CTNNA2: variants seen among roughly 807,000 people sequenced by gnomAD.
CTNNA2 encodes the protein catenin alpha-2.
CTNNA2 carries 42 observed loss-of-function variants against 101.0 expected under a neutral mutation model. That is an observed-to-expected ratio of 0.42 (90% CI 0.32 to 0.54). The LOEUF is 0.54. Among genes scored for constraint, CTNNA2 ranks in the 20% least tolerant of loss-of-function variants. The probability of loss-of-function intolerance (pLI) is 0.14; values close to 1 mark genes in which losing one functional copy is unlikely to be tolerated. For missense variants in CTNNA2, 871 were observed against 1,223.1 expected, an observed-to-expected ratio of 0.71 and a Z score of 4.29; for synonymous variants, 450 against 456.4, an observed-to-expected ratio of 0.99 and a Z score of 0.18.
At chr2:80,433,014 C>T (rs543169192) in intron 9 of CTNNA2, among the ~76,000 whole-genome samples, 1 of 151,984 alleles carries the variant, frequency 6.6e-6, no homozygotes, top group Non-Finnish European at 1.5e-5. Context: ...CAGTAGAGTA[C>T]TTTATGGATC....
At chr2:80,378,050 C>G (rs1187078053) in intron 7 of CTNNA2, among the ~76,000 whole-genome samples, 1 of 152,018 alleles carries the variant, frequency 6.6e-6, no homozygotes, top group Non-Finnish European at 1.5e-5. Context: ...GGGAGAGTAC[C>G]TGCTTACAAA....
intron 2 of CTNNA2, among the ~76,000 whole-genome samples, chr2:79,236,845 A>G (rs1674564280): frequency 6.6e-6 from 1 of 152,172 alleles, no homozygotes; most frequent in South Asian, 2.1e-4. Flanking sequence ...TTCAGGCTCC[A>G]TTTTTAATTA....
At chr2:79,811,394 A>C (rs1558949912) in intron 3 of CTNNA2, among the ~76,000 whole-genome samples, 4 of 151,994 alleles carry the variant, frequency 2.6e-5, no homozygotes, top group Admixed American at 2.0e-4. Context: ...TTTCTTGTAA[A>C]TTTGAGTTCA....
intron 2 of CTNNA2, among the ~76,000 whole-genome samples, chr2:79,228,875 T>G (rs1674454775): frequency 6.6e-6 from 1 of 152,156 alleles, no homozygotes; most frequent in African/African-American, 2.4e-5. Context: ...TAGGATTTTT[T>G]TATAGTTTAG....
At chr2:79,306,899 G>T (rs1315909143) in intron 2 of CTNNA2, among the ~76,000 whole-genome samples, 2 of 152,078 alleles carry the variant, frequency 1.3e-5, no homozygotes, top group East Asian at 3.9e-4. Flanking sequence ...ATGTGCATTA[G>T]CCATTCTGGT....
intron 3 of CTNNA2, among the ~76,000 whole-genome samples, chr2:79,761,369 G>A (rs891701970): frequency 4.5e-4 from 69 of 152,130 alleles, no homozygotes; most frequent in African/African-American, 1.5e-3. Context: ...AAGCCAATCT[G>A]GCCTTCTATT....
intron 7 of CTNNA2, among the ~76,000 whole-genome samples, chr2:80,141,832 T>C (rs1703028615): frequency 6.7e-6 from 1 of 150,320 alleles, no homozygotes; most frequent in Non-Finnish European, 1.5e-5. Flanking sequence ...GATGTTTGGT[T>C]CCCTACAGGA....
intron 3 of CTNNA2, among the ~76,000 whole-genome samples, chr2:79,854,570 T>G (rs886616387): frequency 6.6e-6 from 1 of 152,224 alleles, no homozygotes; most frequent in African/African-American, 2.4e-5. Flanking sequence ...AGTTAATACA[T>G]GTAAAGCTTT....
At chr2:79,827,859 C>A (rs191215378) in intron 3 of CTNNA2, among the ~76,000 whole-genome samples, 2 of 152,274 alleles carry the variant, frequency 1.3e-5, no homozygotes, top group African/African-American at 4.8e-5. Flanking sequence ...TAAATACCAA[C>A]AAAGTTTCCA....
chr2:79,513,592 C>T (rs949303185), intron 1 of CTNNA2, among the ~76,000 whole-genome samples: 28 of 152,190 alleles, frequency 1.8e-4, no homozygotes, highest in Middle Eastern at 3.4e-3. Flanking sequence ...AAATTGGGTG[C>T]ATATACTGAG....
intron 3 of CTNNA2, among the ~76,000 whole-genome samples, chr2:79,367,051 T>G (rs1353127611): frequency 6.6e-6 from 1 of 152,080 alleles, no homozygotes; most frequent in Non-Finnish European, 1.5e-5. Flanking sequence ...GAGAGTTAAT[T>G]AGGGTTACAT....
chr2:80,631,459 T>G (rs1188114749), intron 18 of CTNNA2, among the ~76,000 whole-genome samples: 1 of 151,714 alleles, frequency 6.6e-6, no homozygotes, highest in Non-Finnish European at 1.5e-5. Context: ...CTTGTATAAC[T>G]CAGCCTCGTT....
At chr2:80,314,691 A>G (rs1265400635) in intron 7 of CTNNA2, among the ~76,000 whole-genome samples, 3 of 152,228 alleles carry the variant, frequency 2.0e-5, no homozygotes, top group Non-Finnish European at 4.4e-5. Flanking sequence ...TGTCTGCCTC[A>G]TGGTTCTATG....
At chr2:80,550,394 T>C (rs909416543) in intron 11 of CTNNA2, among the ~76,000 whole-genome samples, 2 of 152,160 alleles carry the variant, frequency 1.3e-5, no homozygotes, top group Non-Finnish European at 2.9e-5. Context: ...TGTGGCAATT[T>C]CTTGAAGTAA....
At chr2:79,300,745 C>G (rs1676089085) in intron 2 of CTNNA2, among the ~76,000 whole-genome samples, 1 of 152,198 alleles carries the variant, frequency 6.6e-6, no homozygotes, top group East Asian at 1.9e-4. Flanking sequence ...CTGTGATACT[C>G]TTCTATTTGG....
chr2:79,676,165 G>C (rs1683171285), intron 2 of CTNNA2, among the ~76,000 whole-genome samples: 1 of 152,228 alleles, frequency 6.6e-6, no homozygotes, highest in South Asian at 2.1e-4. Context: ...GGAAGGCTGG[G>C]AATGATAGAG....
chr2:80,336,768 A>G (rs560430584), intron 7 of CTNNA2, among the ~76,000 whole-genome samples: 35 of 152,328 alleles, frequency 2.3e-4, no homozygotes, highest in African/African-American at 7.2e-4. Context: ...ACATTAGACT[A>G]TAGTTTTAAA....
intron 11 of CTNNA2, among the ~76,000 whole-genome samples, chr2:80,549,939 C>T (rs1039032564): frequency 6.6e-6 from 1 of 151,908 alleles, no homozygotes; most frequent in African/African-American, 2.4e-5. Context: ...CCTGAAGGCA[C>T]AGGGTATGGG....
At chr2:80,206,532 G>A (rs1360086889) in intron 7 of CTNNA2, among the ~76,000 whole-genome samples, 1 of 152,196 alleles carries the variant, frequency 6.6e-6, no homozygotes, top group Non-Finnish European at 1.5e-5. Context: ...CTGTGGAGAA[G>A]CAACAAAAAC....
Sources: gnomAD v4.1 joint callset for allele counts (sites outside exome capture counted in the v4.1 genomes callset) on GRCh38, gnomAD v4.1.1 for gene constraint, MANE v1.5 for transcripts, NCBI Gene and HGNC (gene_info 2026-07-23, HGNC 2026-07-21) for gene names.